The following PDE7B variants were observed in gnomAD, a reference collection of about 807,000 sequenced individuals.
PDE7B encodes 3',5'-cyclic-AMP phosphodiesterase 7B.
A neutral mutation model predicts 56.2 loss-of-function variants in PDE7B; 29 were observed. The observed-to-expected ratio is 0.52, with a 90% confidence interval of 0.38 to 0.70. PDE7B has a LOEUF of 0.70. Among genes scored for constraint, PDE7B ranks in the 30% least tolerant of loss-of-function variants. The probability of loss-of-function intolerance (pLI) is 0.00; values close to 1 mark genes in which losing one functional copy is unlikely to be tolerated. For missense variants in PDE7B, 490 were observed against 565.0 expected (o/e 0.87, Z 1.35); for synonymous variants, 197 against 196.9 (o/e 1.00, Z 0.00).
chr6:136,122,001 CTT>C (rs555401670), intron 3 of PDE7B, among the ~76,000 whole-genome samples: 1 of 145,906 alleles, frequency 6.9e-6, no homozygotes, highest in Non-Finnish European at 1.5e-5. Flanking sequence ...AATTTATAAT[CTT>C]TTTTTTTTTT....
chr6:135,928,092 C>T (rs1268953608), intron 1 of PDE7B, among the ~76,000 whole-genome samples: 1 of 152,042 alleles, frequency 6.6e-6, no homozygotes, highest in Non-Finnish European at 1.5e-5. Flanking sequence ...GAGATACCAT[C>T]TCACACCAGT....
intron 8 of PDE7B, among the ~76,000 whole-genome samples, chr6:136,164,843 T>C (rs1350901736): frequency 6.6e-6 from 1 of 152,084 alleles, no homozygotes; most frequent in East Asian, 1.9e-4. Flanking sequence ...AAATAATAAG[T>C]TAAATTATTC....
chr6:135,889,743 T>C (rs1775775908), intron 1 of PDE7B, among the ~76,000 whole-genome samples: 1 of 134,694 alleles, frequency 7.4e-6, no homozygotes. Flanking sequence ...ACCCAGACGG[T>C]GCTACCATTT....
At chr6:136,140,176 G>C (rs1778294484) in intron 3 of PDE7B, among the ~76,000 whole-genome samples, 1 of 152,150 alleles carries the variant, frequency 6.6e-6, no homozygotes. Context: ...TCCAGTTTCA[G>C]CTTTCTACAT....
At chr6:136,142,990 A>AT (rs1454800355) in intron 3 of PDE7B, among the ~76,000 whole-genome samples, 1 of 152,152 alleles carries the variant, frequency 6.6e-6, no homozygotes, top group Non-Finnish European at 1.5e-5. Flanking sequence ...TGATCCTGTC[A>AT]TTATGATGTT....
intron 2 of PDE7B, chr6:136,098,100 C>T (rs1249067226): frequency 2.5e-5 from 3 of 119,246 alleles, no homozygotes; most frequent in Non-Finnish European, 4.8e-5. Context: ...AACATTGTTA[C>T]TTTTATAACA....
chr6:136,075,825 G>A lies in PDE7B; in HGVS notation c.83-32906G>A, dbSNP rs1433711120. ...TCAAGAGGAGGTACGGCTAGTCAAG[G>A]CACAGAAAGCAAAATCTAGCCCTAA... On this transcript the variant is annotated intron_variant, in intron 2 of 12. Transcript: ENST00000308191. Among the ~76,000 whole-genome samples the A allele has an allele frequency of 3.3e-5, 5 of 152,254 alleles. 1 individual carries two copies. The South Asian group carries it at 8.3e-4, about 25-fold the overall frequency.
At chr6:135,917,300 C>G (rs190139849) in intron 1 of PDE7B, among the ~76,000 whole-genome samples, 2 of 151,880 alleles carry the variant, frequency 1.3e-5, no homozygotes, top group East Asian at 3.9e-4. Context: ...TTTTCTTATT[C>G]TTTGTTTGCA....
chr6:136,131,336 A>G (rs1262202255), intron 3 of PDE7B, among the ~76,000 whole-genome samples: 1 of 152,064 alleles, frequency 6.6e-6, no homozygotes, highest in Non-Finnish European at 1.5e-5. Context: ...AACAATGCCC[A>G]TGGGCCATGT....
At chr6:136,082,761 G>A (rs369745175) in intron 2 of PDE7B, among the ~76,000 whole-genome samples, 1 of 152,168 alleles carries the variant, frequency 6.6e-6, no homozygotes, top group Non-Finnish European at 1.5e-5. Context: ...AAGTTATTGG[G>A]TAATTCAAGT....
At chr6:135,933,946 A>G (rs1774343148) in intron 1 of PDE7B, among the ~76,000 whole-genome samples, 1 of 152,210 alleles carries the variant, frequency 6.6e-6, no homozygotes, top group Non-Finnish European at 1.5e-5. Context: ...TTAATAATTT[A>G]AAGGCAACCC....
intron 1 of PDE7B, among the ~76,000 whole-genome samples, chr6:135,859,492 GA>G (rs1297891431): frequency 2.0e-5 from 3 of 152,020 alleles, no homozygotes; most frequent in Non-Finnish European, 4.4e-5. Flanking sequence ...CATAAAACAG[GA>G]ATTTGTGTGA....
chr6:136,142,696 C>T (rs1778348604), intron 3 of PDE7B, among the ~76,000 whole-genome samples: 1 of 152,126 alleles, frequency 6.6e-6, no homozygotes, highest in African/African-American at 2.4e-5. Context: ...ATCCCTTTAC[C>T]ATTATGTAAT....
intron 2 of PDE7B, among the ~76,000 whole-genome samples, chr6:136,101,348 C>A (rs1383293541): frequency 6.6e-6 from 1 of 152,124 alleles, no homozygotes; most frequent in Non-Finnish European, 1.5e-5. Context: ...GTTGCCAGCT[C>A]CTCTTTGTAC....
intron 1 of PDE7B, among the ~76,000 whole-genome samples, chr6:135,859,406 C>G (rs1414096844): frequency 6.6e-6 from 1 of 151,844 alleles, no homozygotes; most frequent in East Asian, 1.9e-4. Flanking sequence ...TTTTTATTTT[C>G]TGTTTTTCTA....
chr6:135,873,253 A>T (rs1775422756), intron 1 of PDE7B, among the ~76,000 whole-genome samples: 1 of 152,118 alleles, frequency 6.6e-6, no homozygotes, highest in Non-Finnish European at 1.5e-5. Context: ...TGAATTTCTA[A>T]ACCATTCACA....
At chr6:136,187,405 A>G (rs1044606225) in intron 12 of PDE7B, among the ~76,000 whole-genome samples, 1 of 152,202 alleles carries the variant, frequency 6.6e-6, no homozygotes, top group African/African-American at 2.4e-5. Flanking sequence ...AAAGAGTAGA[A>G]GAAAAGTAAC....
chr6:136,060,701 C>T (rs1238402392), intron 2 of PDE7B, among the ~76,000 whole-genome samples: 1 of 152,138 alleles, frequency 6.6e-6, no homozygotes, highest in Non-Finnish European at 1.5e-5. Flanking sequence ...TCCCAGATCA[C>T]ATAGCTAGTA....
intron 2 of PDE7B, among the ~76,000 whole-genome samples, chr6:136,007,937 C>T (rs1252165325): frequency 1.3e-5 from 2 of 151,830 alleles, no homozygotes; most frequent in African/African-American, 4.8e-5. Flanking sequence ...CACCCAGTAA[C>T]TCGTCATTTA....
Sources: allele counts gnomAD v4.1 joint callset (sites outside exome capture counted in the v4.1 genomes callset), GRCh38; gene constraint gnomAD v4.1.1; transcripts MANE v1.5; gene names NCBI Gene and HGNC (gene_info 2026-07-23, HGNC 2026-07-21).